Variants in PAMR1 observed in about 807,000 individuals in gnomAD.
The protein encoded by PAMR1 is inactive serine protease PAMR1.
Under a neutral mutation model 81.8 loss-of-function variants are expected in PAMR1, and 88 were observed. The observed-to-expected ratio is 1.08, with a 90% CI of 0.91 to 1.28. The LOEUF (loss-of-function observed/expected upper bound fraction) is 1.28. PAMR1 is among the 50% of genes most tolerant of loss of function. The pLI, the probability that PAMR1 is intolerant of heterozygous loss-of-function variation, is 0.00. For missense variants in PAMR1, 935 were observed against 919.7 expected (o/e 1.02, Z -0.21); for synonymous variants, 336 against 345.3 (o/e 0.97, Z 0.30).
Position 35,432,796 on chromosome 11 carries a change from G to C in PAMR1, c.1723C>G (p.Arg575Gly). 1 of 1,610,092 alleles carries C rather than the reference G, an allele frequency of 6.2e-7. No homozygotes were observed. Among genetic ancestry groups the C allele is most frequent in the Non-Finnish European group, 8.5e-7 (1 of 1,180,016 alleles). Residue 575 changes from arginine (R) to glycine (G), a missense_variant, in exon 11 of 11, where the codon CGA (arginine) becomes GGA (glycine). Arg to Gly is a moderately radical substitution (Grantham distance 125, BLOSUM62 -2). Transcript: ENST00000619888. ...KLLDKARIST[R>G]VQPICLAASR... is the part of the protein sequence containing the mutation. ...GCAGCGAGGCAGATGGGCTGGACTC[G>C]GGTGCTGATACGGGCCTTGTCTAGG...
Position 35,468,036 on chromosome 11 carries a change from C to G in PAMR1, c.785G>C (p.Cys262Ser), listed in dbSNP as rs373268902. The change falls in exon 6 of 11, where the codon TGC (cysteine) becomes TCC (serine). Residue 262 changes from cysteine to serine, a missense_variant. Physicochemically the swap from Cys to Ser is moderately radical, Grantham distance 112. Transcript: ENST00000619888. ...GCGCTGCCCAGTATAGCCTGCCAAG[C>G]AGGCACACTTGTAAGATCCAGCCTT... Reference protein sequence around the residue: ...LDKAGSYKCACLAGYTGQRCE... With the variant: ...LDKAGSYKCASLAGYTGQRCE... 5.8e-5 allele frequency: 90 copies of G among 1,562,644 alleles called. No individual in the cohort carries two copies. Among genetic ancestry groups the G allele is most frequent in the Non-Finnish European group, 7.4e-5 (85 of 1,151,780 alleles).
In PAMR1 at chr11:35,431,935, T is replaced by A. The variant is rs1260124046; in HGVS notation, c.*421A>T. On this transcript the variant is annotated 3_prime_UTR_variant, in exon 11 of 11. Coordinates refer to ENST00000619888, the MANE Select transcript of PAMR1 (RefSeq NM_001001991.3). The stretch of plus-strand genomic sequence containing the variant: ...CATGTACACAAAGGCATGCACCACA[T>A]CCCAGCTCTGCTGCCCTGGGCTGTC... 5.0e-6 allele frequency: 1 copy of A among 201,020 alleles called. No individual in the cohort carries two copies. Among genetic ancestry groups the A allele is most frequent in the Non-Finnish European group, 1.0e-5 (1 of 98,428 alleles). The allele number at this position is 201,020 out of a possible 1,614,324, so 12.5% of individuals were successfully genotyped here. A position where few individuals can be genotyped will look rare whatever the true frequency, so the allele number is the denominator to read the frequency against.
chr11:35,527,882 C>T (rs79179078), upstream of PAMR1, among the ~76,000 whole-genome samples: 1,832 of 152,238 alleles, frequency 0.012, 58 homozygotes, highest in East Asian at 0.084. Context: ...ACCACCAGGG[C>T]CCACCAACAT....
chr11:35,528,318 A>C (rs1851422185), upstream of PAMR1, among the ~76,000 whole-genome samples: 1 of 152,176 alleles, frequency 6.6e-6, no homozygotes, highest in Non-Finnish European at 1.5e-5. Context: ...AGACAACCCT[A>C]GACCCTTATC....
At chr11:35,480,506 T>C (rs1427355700) in intron 3 of PAMR1, among the ~76,000 whole-genome samples, 1 of 152,212 alleles carries the variant, frequency 6.6e-6, no homozygotes, top group Non-Finnish European at 1.5e-5. Flanking sequence ...AGTTCCCTGA[T>C]CTTTTCTTCT....
intron 10 of PAMR1, 68 bp downstream of exon 10, chr11:35,434,444 A>G: frequency 2.7e-6 from 4 of 1,473,546 alleles, no homozygotes; most frequent in Non-Finnish European, 3.7e-6. Flanking sequence ...TGGTATAATC[A>G]CTGCTCTCCC....
chr11:35,482,576 T>C (rs889401858), intron 3 of PAMR1, among the ~76,000 whole-genome samples: 3 of 152,216 alleles, frequency 2.0e-5, no homozygotes, highest in Admixed American at 6.5e-5. Context: ...CTGTGAAGAA[T>C]GTCAATGATA....
At chr11:35,459,637 G>A (rs1212430992) in intron 6 of PAMR1, among the ~76,000 whole-genome samples, 5 of 152,136 alleles carry the variant, frequency 3.3e-5, no homozygotes. Flanking sequence ...TCGGCTGCTA[G>A]GCACATTTGA....
At chr11:35,498,864 C>A (rs1302099390) in intron 1 of PAMR1, among the ~76,000 whole-genome samples, 1 of 152,214 alleles carries the variant, frequency 6.6e-6, no homozygotes, top group South Asian at 2.1e-4. Flanking sequence ...AAAATGCACA[C>A]CCCTTCGATC....
chr11:35,501,133 C>CT lies in PAMR1; in HGVS notation c.74-6862dup, dbSNP rs34831742. Reference sequence around the variant, plus strand: ...TTTTAATTTTATAACCTTTTTTTTTCTTTTTTTTTTTTTTTGAGACAGGGT... The same window carrying CT: ...TTTTAATTTTATAACCTTTTTTTTTCTTTTTTTTTTTTTTTTGAGACAGGGT... On this transcript the variant is annotated intron_variant, in intron 1 of 10. Transcript: ENST00000619888. Among the ~76,000 whole-genome samples the CT allele has an allele frequency of 5.4e-3, 733 of 135,588 alleles. 8 individuals are homozygous for CT. The highest frequency in any genetic ancestry group is 8.1e-3 in the Non-Finnish European group (515 of 63,366). The allele number at this position is 135,588 out of a possible 152,430, so 89.0% of individuals were successfully genotyped here.
intron 1 of PAMR1, among the ~76,000 whole-genome samples, chr11:35,505,865 ATAAG>A: frequency 6.6e-6 from 1 of 151,820 alleles, no homozygotes; most frequent in African/African-American, 2.4e-5. Context: ...GTTGTTATTG[ATAAG>A]TAAGTACTTC....
chr11:35,512,845 G>A (rs535693368), intron 1 of PAMR1, among the ~76,000 whole-genome samples: 128 of 152,212 alleles, frequency 8.4e-4, no homozygotes, highest in African/African-American at 3.1e-3. Flanking sequence ...ATAAAAATTA[G>A]TTGGGCATAG....
chr11:35,439,904 T>C (rs1044151657), intron 7 of PAMR1, among the ~76,000 whole-genome samples: 12 of 152,164 alleles, frequency 7.9e-5, no homozygotes, highest in African/African-American at 2.7e-4. Flanking sequence ...CTCTGAAGAA[T>C]CCAAGAAGAG....
At chr11:35,492,383 T>C (rs1272523922) in intron 2 of PAMR1, among the ~76,000 whole-genome samples, 1 of 152,116 alleles carries the variant, frequency 6.6e-6, no homozygotes, top group Non-Finnish European at 1.5e-5. Flanking sequence ...AGAAGGGTGG[T>C]CTCAACGAGT....
intron 4 of PAMR1, among the ~76,000 whole-genome samples, chr11:35,473,907 CA>C (rs1215300214): frequency 1.3e-5 from 2 of 152,182 alleles, no homozygotes; most frequent in African/African-American, 4.8e-5. Context: ...AGGTGTTTTT[CA>C]TTAGAGAGAA....
At position 35,494,186 on chromosome 11, in the gene PAMR1, C is replaced by G; in HGVS notation, c.160G>C (p.Val54Leu). 1 of 1,613,918 alleles carries G rather than the reference C, an allele frequency of 6.2e-7. No homozygotes were observed. Among genetic ancestry groups the G allele is most frequent in the South Asian group, 1.1e-5 (1 of 91,074 alleles). Residue 54 changes from valine (V) to leucine (L), a missense_variant, in exon 2 of 11, where the codon GTC becomes CTC. Transcript: ENST00000619888. Reference sequence around the variant, plus strand: ...ACGACTTCCCTCTTTCCGGGGCAGACGCACTCAATCTGATCATATTCACAG... The same window carrying G: ...ACGACTTCCCTCTTTCCGGGGCAGAGGCACTCAATCTGATCATATTCACAG... ...ECCEYDQIEC[V>L]CPGKREVVGY...
intron 8 of PAMR1, among the ~76,000 whole-genome samples, chr11:35,438,723 C>G (rs12788533): frequency 0.13 from 19,909 of 152,076 alleles, 1,432 homozygotes; most frequent in African/African-American, 0.16. Context: ...ACAAATAAAC[C>G]CTTAAAAATA....
At chr11:35,441,016 T>C (rs762667758) in intron 7 of PAMR1, among the ~76,000 whole-genome samples, 1 of 152,206 alleles carries the variant, frequency 6.6e-6, no homozygotes, top group Non-Finnish European at 1.5e-5. Context: ...GGGTTTACTC[T>C]CTGTCTTTGT....
Position 35,441,702 on chromosome 11 carries a change from A to C in PAMR1, c.821-9T>G, listed in dbSNP as rs773314273. ...GTTTCTTTCTTCAAGGACTAAAAGA[A>C]AGTAAAAGAAAAGGAGAATTGTTAA... is the stretch of plus-strand genomic sequence containing the variant. On this transcript the variant is annotated splice_polypyrimidine_tract_variant and intron_variant, in intron 6 of 10. Coordinates refer to ENST00000619888, the MANE Select transcript of PAMR1 (RefSeq NM_001001991.3). 1 of 1,569,266 alleles carries C rather than the reference A, an allele frequency of 6.4e-7. No homozygotes were observed. The highest frequency in any genetic ancestry group is 1.9e-5 in the Admixed American group (1 of 53,450).
Sources: allele counts gnomAD v4.1 joint callset (sites outside exome capture counted in the v4.1 genomes callset), GRCh38; gene constraint gnomAD v4.1.1; transcripts MANE v1.5; gene names NCBI Gene and HGNC (gene_info 2026-07-23, HGNC 2026-07-21).